The following MBP variants were observed in gnomAD, a reference collection of about 807,000 sequenced individuals.
MBP encodes Golli-MBP.
Under a neutral mutation model 35.8 loss-of-function variants are expected in MBP, and 16 were observed. The observed-to-expected ratio is 0.45, with a 90% CI of 0.30 to 0.68. MBP has a LOEUF of 0.68. Among genes scored for constraint, MBP ranks in the 30% least tolerant of loss-of-function variants. The pLI, the probability that MBP is intolerant of heterozygous loss-of-function variation, is 0.08. For synonymous variants in MBP, 143 were observed against 159.6 expected (o/e 0.90, Z 0.78); for missense variants, 380 against 404.7 (o/e 0.94, Z 0.52).
At position 77,119,778 on chromosome 18, in the gene MBP, T is replaced by C. The variant is rs551907277; in HGVS notation, c.-26+12802A>G. On this transcript the variant is annotated intron_variant, in intron 1 of 8. Transcript: ENST00000355994. Reference sequence around the variant, plus strand: ...GAAGTGTGTGAGCCTCCTGAGGAAATAGGGCTTGGCACCGAAGTTGGGGTG... The same window carrying C: ...GAAGTGTGTGAGCCTCCTGAGGAAACAGGGCTTGGCACCGAAGTTGGGGTG... 2.6e-5 allele frequency among the ~76,000 whole-genome samples: 4 copies of C among 152,114 alleles called. No individual in the cohort carries two copies. In the East Asian group the frequency reaches 5.8e-4, roughly 22 times the overall value.
chr18:77,128,185 CG>C (rs1481870682), intron 1 of MBP, among the ~76,000 whole-genome samples: 2 of 152,184 alleles, frequency 1.3e-5, no homozygotes, highest in Non-Finnish European at 2.9e-5. Flanking sequence ...ATCCAGATGA[CG>C]GAACACCACT....
chr18:77,032,292 C>A (rs570332814), intron 3 of MBP, among the ~76,000 whole-genome samples: 1 of 152,170 alleles, frequency 6.6e-6, no homozygotes, highest in Non-Finnish European at 1.5e-5. Flanking sequence ...TGTGGATTTG[C>A]GATGGCAGAA....
chr18:77,017,371 C>A, intron 3 of MBP, 103 bp from the exon 4 acceptor site: 1 of 1,125,924 alleles, frequency 8.9e-7, no homozygotes, highest in Non-Finnish European at 1.2e-6. Context: ...CCTATAAAAC[C>A]CACAGAATAT....
intron 2 of MBP, among the ~76,000 whole-genome samples, chr18:77,099,721 G>A (rs1975920734): frequency 6.6e-6 from 1 of 152,258 alleles, no homozygotes; most frequent in South Asian, 2.1e-4. Context: ...TAAGTATGGG[G>A]AGGGCTGCGC....
intron 2 of MBP, among the ~76,000 whole-genome samples, chr18:77,067,477 C>A (rs1449536956): frequency 2.6e-5 from 4 of 152,262 alleles, no homozygotes; most frequent in Non-Finnish European, 2.9e-5. Context: ...CCAGGCTCCA[C>A]AACCACCATC....
intron 3 of MBP, among the ~76,000 whole-genome samples, chr18:77,056,376 G>C (rs1330872369): frequency 2.0e-5 from 3 of 152,184 alleles, no homozygotes; most frequent in Non-Finnish European, 2.9e-5. Context: ...TTGCCACTAT[G>C]AATTATTTCT....
intron 4 of MBP, among the ~76,000 whole-genome samples, chr18:77,007,702 T>A (rs905188655): frequency 6.6e-6 from 1 of 152,076 alleles, no homozygotes; most frequent in Non-Finnish European, 1.5e-5. Flanking sequence ...GAATGGGGTG[T>A]CCACAAGTGC....
Position 77,131,108 on chromosome 18 carries a change from C to A in MBP, c.-26+1472G>T, listed in dbSNP as rs1324980371. On this transcript the variant is annotated intron_variant, in intron 1 of 8. Coordinates refer to ENST00000355994, the MANE Select transcript of MBP (RefSeq NM_001025101.2). The surrounding 1 kb of genome is among the most constrained non-coding windows in gnomAD (Gnocchi z 5.5). ...GCGCACACACACACACACACACACA[C>A]ACACACACACACCCCCTCTGCCGCG... 1.3e-5 allele frequency among the ~76,000 whole-genome samples: 1 copy of A among 79,422 alleles called. No homozygotes were observed. The highest frequency in any genetic ancestry group is 1.2e-4 in the Admixed American group (1 of 8,274). 52.1% of individuals were successfully genotyped at this position (79,422 alleles called of 152,430 possible).
chr18:77,026,343 C>T (rs1365955009), intron 3 of MBP, among the ~76,000 whole-genome samples: 1 of 152,186 alleles, frequency 6.6e-6, no homozygotes, highest in Non-Finnish European at 1.5e-5. Flanking sequence ...GTTTTCAGGC[C>T]AACAGAAATG....
rs562721570 is a variant in MBP at position 77,124,048 on chromosome 18, C to T, written c.-26+8532G>A. On this transcript the variant is annotated intron_variant, in intron 1 of 8. Coordinates refer to ENST00000355994, the MANE Select transcript of MBP (RefSeq NM_001025101.2). ...TCTTGCCTGCAGGGCAGCATGGGCACACCTTCCTACCTGGAAGGAGCAGGG... is the reference window on the plus strand; with the variant it reads ...TCTTGCCTGCAGGGCAGCATGGGCATACCTTCCTACCTGGAAGGAGCAGGG... Among the ~76,000 whole-genome samples, 67 of 152,304 alleles carry T rather than the reference C, an allele frequency of 4.4e-4. 1 individual carries two copies. The South Asian group carries it at 9.3e-3, about 21-fold the overall frequency.
chr18:77,042,113 C>G (rs1329820243), intron 3 of MBP, among the ~76,000 whole-genome samples: 1 of 151,930 alleles, frequency 6.6e-6, no homozygotes, highest in East Asian at 1.9e-4. Flanking sequence ...TCACAATAAA[C>G]TGGAAAGAAC....
Position 76,985,533 on chromosome 18 carries a change from A to G in MBP, c.751-639T>C, listed in dbSNP as rs1969500002. On this transcript the variant is annotated intron_variant, in intron 7 of 8. Coordinates refer to ENST00000355994, the MANE Select transcript of MBP (RefSeq NM_001025101.2). ...GAGCTCTCTCCCAGGGTGAGCAGGA[A>G]TCAGTCTCCCTTGGCCATAGCTCGG... The G allele has an allele frequency of 3.5e-6, 4 of 1,147,248 alleles. No individual in the cohort carries two copies. In the South Asian group the frequency reaches 7.4e-5, roughly 21 times the overall value. 71.1% of individuals were successfully genotyped at this position (1,147,248 alleles called of 1,614,324 possible).
At chr18:77,074,175 G>A (rs143962119) in intron 2 of MBP, among the ~76,000 whole-genome samples, 1 of 152,126 alleles carries the variant, frequency 6.6e-6, no homozygotes, top group Non-Finnish European at 1.5e-5. Flanking sequence ...GTGCCCACGT[G>A]GGGGCTTCAA....
chr18:77,012,022 C>T (rs946209621), intron 4 of MBP, among the ~76,000 whole-genome samples: 3 of 152,006 alleles, frequency 2.0e-5, no homozygotes, highest in East Asian at 1.9e-4. Context: ...GGAAAATCAA[C>T]GATGAGAGAA....
At chr18:77,068,767 C>T (rs961456505) in intron 2 of MBP, among the ~76,000 whole-genome samples, 2 of 152,274 alleles carry the variant, frequency 1.3e-5, no homozygotes, top group East Asian at 3.9e-4. Context: ...CACTAGTAAT[C>T]AGAGAAATAC....
intron 3 of MBP, among the ~76,000 whole-genome samples, chr18:77,038,931 G>T (rs533544867): frequency 6.6e-6 from 1 of 152,202 alleles, no homozygotes; most frequent in Admixed American, 6.5e-5. Flanking sequence ...TCAGTGAGAG[G>T]CGTCTTCAAA....
Position 77,013,750 on chromosome 18 carries a change from A to G in MBP, c.576+3082T>C, listed in dbSNP as rs541225105. On this transcript the variant is annotated intron_variant, in intron 4 of 8. Coordinates refer to ENST00000355994, the MANE Select transcript of MBP (RefSeq NM_001025101.2). ...ACCTCCCTAAAAGTACACGGCACGG[A>G]GAAGTGGGGTACTGGGATGTCCTGG... The G allele has an allele frequency of 7.1e-6, 7 of 985,460 alleles. No individual in the cohort carries two copies. The African/African-American group carries it at 1.2e-4, about 17-fold the overall frequency. 61.0% of individuals were successfully genotyped at this position (985,460 alleles called of 1,614,324 possible).
At chr18:77,118,477 GA>G (rs1976766648) in intron 1 of MBP, among the ~76,000 whole-genome samples, 1 of 151,972 alleles carries the variant, frequency 6.6e-6, no homozygotes, top group Non-Finnish European at 1.5e-5. Flanking sequence ...CCAAATCCAA[GA>G]GGAAATGCAG....
intron 3 of MBP, among the ~76,000 whole-genome samples, chr18:77,048,982 T>C (rs3934443): frequency 0.52 from 78,202 of 151,406 alleles, 21,242 homozygotes; most frequent in Admixed American, 0.61. Flanking sequence ...TGCAGTGGCA[T>C]GGTGTCAGCT....
Sources: allele counts gnomAD v4.1 joint callset (sites outside exome capture counted in the v4.1 genomes callset), GRCh38; gene constraint gnomAD v4.1.1; non-coding constraint Gnocchi (gnomAD v3.1); transcripts MANE v1.5; gene names NCBI Gene and HGNC (gene_info 2026-07-23, HGNC 2026-07-21).